CNBD1: variants seen among roughly 807,000 people sequenced by gnomAD.
The protein encoded by CNBD1 is cyclic nucleotide binding domain containing 1, also known as cyclic nucleotide-binding domain-containing protein 1.
A neutral mutation model predicts 54.4 loss-of-function variants in CNBD1; 71 were observed. The observed-to-expected ratio is 1.30, with a 90% CI of 1.08 to 1.59. The LOEUF is 1.59. Among genes scored for constraint, CNBD1 ranks in the 40% most tolerant of loss-of-function variants. The probability of loss-of-function intolerance (pLI) is 0.00; values close to 1 mark genes in which losing one functional copy is unlikely to be tolerated. For missense variants in CNBD1, 659 were observed against 518.0 expected, an observed-to-expected ratio of 1.27 and a Z score of -2.64; for synonymous variants, 182 against 170.7, an observed-to-expected ratio of 1.07 and a Z score of -0.51.
intron 3 of CNBD1, among the ~76,000 whole-genome samples, chr8:86,907,175 T>C (rs1809030398): frequency 6.6e-6 from 1 of 152,182 alleles, no homozygotes; most frequent in Non-Finnish European, 1.5e-5. Context: ...TATTTTACTG[T>C]TCAGGTGAGA....
intron 4 of CNBD1, among the ~76,000 whole-genome samples, chr8:87,074,350 C>T (rs1164691515): frequency 6.6e-6 from 1 of 151,806 alleles, no homozygotes; most frequent in Non-Finnish European, 1.5e-5. Context: ...TGGGTCTTAA[C>T]TTGTGAGGTG....
chr8:87,278,906 A>G (rs1321204061), intron 6 of CNBD1, among the ~76,000 whole-genome samples: 4 of 151,470 alleles, frequency 2.6e-5, no homozygotes. Flanking sequence ...TGAGAAGTGG[A>G]AAAGGTAATA....
At chr8:86,894,542 CA>C (rs1284580119) in intron 2 of CNBD1, among the ~76,000 whole-genome samples, 5 of 152,164 alleles carry the variant, frequency 3.3e-5, no homozygotes, top group Non-Finnish European at 5.9e-5. Context: ...AGCCCATTTA[CA>C]TTAGGAATTA....
intron 2 of CNBD1, among the ~76,000 whole-genome samples, chr8:87,425,149 C>T (rs1301380802): frequency 2.0e-5 from 3 of 152,144 alleles, no homozygotes; most frequent in Non-Finnish European, 2.9e-5. Flanking sequence ...ACGTAGTTCT[C>T]GGGCCTTGGT....
chr8:87,099,979 A>G (rs1024629280), intron 4 of CNBD1, among the ~76,000 whole-genome samples: 22 of 152,216 alleles, frequency 1.4e-4, no homozygotes, highest in African/African-American at 5.3e-4. Context: ...AATGTTAAGA[A>G]GTCTGGAGGA....
At chr8:86,910,188 A>G (rs1043491178) in intron 3 of CNBD1, among the ~76,000 whole-genome samples, 11 of 152,160 alleles carry the variant, frequency 7.2e-5, no homozygotes, top group African/African-American at 2.7e-4. Flanking sequence ...AAAGTTGCCT[A>G]TTGATTCGCC....
At chr8:87,331,648 A>C (rs1809834892) in intron 8 of CNBD1, among the ~76,000 whole-genome samples, 1 of 152,214 alleles carries the variant, frequency 6.6e-6, no homozygotes, top group African/African-American at 2.4e-5. Context: ...ACTGTCTTCC[A>C]CAATGGTTGA....
chr8:87,089,562 C>T (rs1009641089), intron 4 of CNBD1, among the ~76,000 whole-genome samples: 13 of 151,800 alleles, frequency 8.6e-5, no homozygotes, highest in Admixed American at 3.3e-4. Context: ...AAAAGGTGTC[C>T]GTTACTTTAA....
chr8:87,199,997 G>T (rs1047069385), intron 4 of CNBD1, among the ~76,000 whole-genome samples: 2 of 151,972 alleles, frequency 1.3e-5, no homozygotes, highest in African/African-American at 4.8e-5. Flanking sequence ...TCATCAAGTT[G>T]TCTACCTTAA....
At chr8:86,982,404 C>G (rs1298075034) in intron 4 of CNBD1, among the ~76,000 whole-genome samples, 2 of 152,044 alleles carry the variant, frequency 1.3e-5, no homozygotes, top group Non-Finnish European at 2.9e-5. Flanking sequence ...ATATTTCATT[C>G]TAGAGATTTT....
chr8:87,128,613 G>A (rs1812049423), intron 4 of CNBD1, among the ~76,000 whole-genome samples: 1 of 152,042 alleles, frequency 6.6e-6, no homozygotes, highest in African/African-American at 2.4e-5. Flanking sequence ...TACCTTTTCT[G>A]TTTCTATGAA....
At position 87,066,766 on chromosome 8, in the gene CNBD1, G is replaced by A. The variant is rs1263374448; in HGVS notation, c.431+127012G>A. 3.3e-5 allele frequency among the ~76,000 whole-genome samples: 5 copies of A among 151,760 alleles called. No individual in the cohort carries two copies. The East Asian group carries it at 9.7e-4, about 29-fold the overall frequency. ...CAATTAGAATATAATTTAATATTTT[G>A]AAAACTAATAGTTTCAAAAATTGTG... On this transcript the variant is annotated intron_variant, in intron 4 of 10. Transcript: ENST00000518476.
intron 4 of CNBD1, among the ~76,000 whole-genome samples, chr8:86,969,679 C>G (rs1215861165): frequency 6.6e-6 from 1 of 151,628 alleles, no homozygotes; most frequent in Non-Finnish European, 1.5e-5. Flanking sequence ...ATAATATTAC[C>G]TATTACAATA....
intron 8 of CNBD1, among the ~76,000 whole-genome samples, chr8:87,300,347 C>A (rs1215545676): frequency 6.6e-6 from 1 of 151,932 alleles, no homozygotes; most frequent in Non-Finnish European, 1.5e-5. Flanking sequence ...TAAGTATTTA[C>A]AATATATAAA....
intron 4 of CNBD1, among the ~76,000 whole-genome samples, chr8:87,118,246 C>T (rs552912680): frequency 1.0e-4 from 14 of 137,178 alleles, no homozygotes; most frequent in South Asian, 2.4e-4. Context: ...ACTCAGGAGG[C>T]GGAGGTTGCA....
intron 8 of CNBD1, among the ~76,000 whole-genome samples, chr8:87,335,111 G>T (rs754079652): frequency 2.6e-5 from 4 of 152,100 alleles, no homozygotes; most frequent in Non-Finnish European, 5.9e-5. Flanking sequence ...GCTGAGGAGC[G>T]TTTTACTTCC....
intron 4 of CNBD1, among the ~76,000 whole-genome samples, chr8:87,134,748 G>A (rs1422635892): frequency 6.6e-5 from 10 of 151,114 alleles, no homozygotes; most frequent in African/African-American, 2.4e-4. Context: ...GACTACAGGC[G>A]CCAGTCACCA....
intron 6 of CNBD1, among the ~76,000 whole-genome samples, chr8:87,241,013 C>T (rs1327810881): frequency 6.6e-6 from 1 of 152,052 alleles, no homozygotes; most frequent in Non-Finnish European, 1.5e-5. Flanking sequence ...AAGTTTACTC[C>T]ACTAAATTGC....
At chr8:87,341,165 C>T (rs533647948) in intron 8 of CNBD1, among the ~76,000 whole-genome samples, 1 of 151,998 alleles carries the variant, frequency 6.6e-6, no homozygotes, top group East Asian at 1.9e-4. Context: ...TTGGTTTTTC[C>T]CCTTAGGCAC....
Sources: gnomAD v4.1 joint callset for allele counts (sites outside exome capture counted in the v4.1 genomes callset) on GRCh38, gnomAD v4.1.1 for gene constraint, MANE v1.5 for transcripts, NCBI Gene and HGNC (gene_info 2026-07-23, HGNC 2026-07-21) for gene names.